Variants in ARHGEF10L observed in about 807,000 individuals in gnomAD.
ARHGEF10L encodes Rho guanine nucleotide exchange factor 10 like.
ARHGEF10L carries 69 observed loss-of-function variants against 141.2 expected under a neutral mutation model. The observed-to-expected ratio is 0.49, with a 90% confidence interval of 0.40 to 0.60. The LOEUF (loss-of-function observed/expected upper bound fraction) is 0.60, where lower values mean the gene tolerates loss of function less well. ARHGEF10L is among the 20% of genes least tolerant of loss of function. The probability of loss-of-function intolerance (pLI) is 0.00; values close to 1 mark genes in which losing one functional copy is unlikely to be tolerated. For missense variants in ARHGEF10L, 1,482 were observed against 1,734.3 expected, an observed-to-expected ratio of 0.85 and a Z score of 2.58; for synonymous variants, 711 against 718.5, an observed-to-expected ratio of 0.99 and a Z score of 0.17.
chr1:17,587,772 C>A, intron 3 of ARHGEF10L, 127 bp downstream of exon 3: 1 of 1,088,528 alleles, frequency 9.2e-7, no homozygotes, highest in Non-Finnish European at 1.3e-6. Flanking sequence ...AAGGGAAAAG[C>A]CAGTGGGAAG....
Position 17,670,039 on chromosome 1 carries a change from G to T in ARHGEF10L, c.3009+5444G>T, listed in dbSNP as rs560096237. 2.1e-4 allele frequency among the ~76,000 whole-genome samples: 32 copies of T among 152,384 alleles called. No homozygotes were observed. In the South Asian group the frequency reaches 6.2e-3, roughly 30 times the overall value. On this transcript the variant is annotated intron_variant, in intron 26 of 28. Coordinates refer to ENST00000361221, the MANE Select transcript of ARHGEF10L (RefSeq NM_018125.4). ...CGAGCTCGGCTATGCGGGTGAGTTG[G>T]TGTGTGACTATGAAGGAAGAGGGGA...
chr1:17,531,340 G>A, the ARHGEF10L span, among the ~76,000 whole-genome samples: 3,561 of 152,248 alleles, frequency 0.023, 70 homozygotes, highest in Non-Finnish European at 0.035. Context: ...CCACTAGGTG[G>A]GTCAACATGA....
At chr1:17,664,394 G>C in intron 25 of ARHGEF10L, 53 bp from the exon 26 acceptor site, 1 of 1,555,182 alleles carries the variant, frequency 6.4e-7, no homozygotes, top group Non-Finnish European at 8.7e-7. Context: ...GCGTTCCCAG[G>C]AGACCTGCTT....
the ARHGEF10L span, among the ~76,000 whole-genome samples, chr1:17,520,986 C>T: frequency 8.5e-5 from 13 of 152,312 alleles, no homozygotes; most frequent in South Asian, 4.1e-4. Flanking sequence ...AGGCTGTTTC[C>T]CCCTGCTTTT....
intron 25 of ARHGEF10L, among the ~76,000 whole-genome samples, chr1:17,659,791 A>G (rs2062497712): frequency 6.6e-6 from 1 of 152,256 alleles, no homozygotes; most frequent in African/African-American, 2.4e-5. Context: ...ATTCCTGGCC[A>G]TGCTTTGGCT....
intron 22 of ARHGEF10L, among the ~76,000 whole-genome samples, chr1:17,652,634 G>A (rs921808688): frequency 1.3e-5 from 2 of 152,080 alleles, no homozygotes; most frequent in African/African-American, 2.4e-5. Context: ...CTACGGTGTC[G>A]AAGGTTCTTC....
At position 17,697,285 on chromosome 1, in the gene ARHGEF10L, A is replaced by C; in HGVS notation, c.3745A>C (p.Asn1249His). The stretch of plus-strand genomic sequence containing the variant: ...CATCTCCGGCGGGCAGGGCTACCGC[A>C]ACTTTGGCAGCGCTCTGGGCAGCAG... ...AIISGGQGYR[N>H]FGSALGSSGR... The change falls in exon 29 of 29, where the codon AAC becomes CAC. Residue 1249 changes from asparagine to histidine, a missense_variant. By Grantham distance (68) the Asn-to-His change is moderately conservative. Coordinates refer to ENST00000361221, the MANE Select transcript of ARHGEF10L (RefSeq NM_018125.4). The surrounding 1 kb of genome is among the most constrained non-coding windows in gnomAD (Gnocchi z 4.8). 5 of 1,612,770 alleles carry C rather than the reference A, an allele frequency of 3.1e-6. No individual in the cohort carries two copies. Among genetic ancestry groups the C allele is most frequent in the Non-Finnish European group, 4.2e-6 (5 of 1,179,856 alleles).
At chr1:17,689,827 A>T in intron 27 of ARHGEF10L, 1 of 456,042 alleles carries the variant, frequency 2.2e-6, no homozygotes, top group Non-Finnish European at 4.4e-6. Flanking sequence ...GTCTGCGCAG[A>T]GGAGAGTGAG....
chr1:17,597,301 G>A (rs1384119837), intron 4 of ARHGEF10L, among the ~76,000 whole-genome samples: 2 of 152,114 alleles, frequency 1.3e-5, no homozygotes, highest in African/African-American at 4.8e-5. Flanking sequence ...TGACCCGGAG[G>A]CCCCTGAAGG....
chr1:17,645,047 G>A (rs2061517070), intron 21 of ARHGEF10L, among the ~76,000 whole-genome samples: 2 of 152,254 alleles, frequency 1.3e-5, no homozygotes, highest in Admixed American at 6.5e-5. Flanking sequence ...GAGGGTAGCG[G>A]GGGATCTGCA....
At chr1:17,535,925 CG>C (rs911392279), upstream of ARHGEF10L, among the ~76,000 whole-genome samples, 13 of 152,206 alleles carry the variant, frequency 8.5e-5, no homozygotes, top group South Asian at 2.1e-4. Context: ...ACTCACAGTC[CG>C]GGGGGGAGAC....
At chr1:17,601,590 C>T (rs2080684054) in intron 4 of ARHGEF10L, among the ~76,000 whole-genome samples, 1 of 152,170 alleles carries the variant, frequency 6.6e-6, no homozygotes, top group African/African-American at 2.4e-5. Flanking sequence ...GGGCTACAGG[C>T]ATGCACCACC....
At position 17,696,908 on chromosome 1, in the gene ARHGEF10L, C is replaced by T. The variant is rs35043492; in HGVS notation, c.3368C>T (p.Thr1123Ile). 5.8e-4 allele frequency: 930 copies of T among 1,607,204 alleles called. 8 individuals are homozygous for T. In the African/African-American group the frequency reaches 0.011, roughly 19 times the overall value. The change falls in exon 29 of 29, where the codon ACC becomes ATC. Residue 1123 changes from threonine to isoleucine, a missense_variant. Coordinates refer to ENST00000361221, the MANE Select transcript of ARHGEF10L (RefSeq NM_018125.4). ...CCTGTGGCCTTCCTGGCTGTGGCTA[C>T]CAGCATCCTGGCCCCTGACATCCTG... The part of the protein sequence containing the change: ...CGPVAFLAVA[T>I]SILAPDILRS...
intron 5 of ARHGEF10L, among the ~76,000 whole-genome samples, chr1:17,602,689 G>C (rs1227312650): frequency 1.3e-5 from 2 of 152,290 alleles, no homozygotes; most frequent in Middle Eastern, 3.4e-3. Context: ...TGTGGGGTGT[G>C]GGGGAGCGTT....
rs2060193138 is a variant in ARHGEF10L at position 17,623,047 on chromosome 1, A to G, written c.1072A>G (p.Lys358Glu). Residue 358 changes from lysine to glutamate, a missense_variant, in exon 12 of 29, where the codon AAG becomes GAG. Coordinates refer to ENST00000361221, the MANE Select transcript of ARHGEF10L (RefSeq NM_018125.4). The surrounding 1 kb of genome is among the most constrained non-coding windows in gnomAD (Gnocchi z 4.7). ...EMEPKALSAR[K>E]CQVVFFRVKE... ...GGAGCCCAAGGCGCTGAGCGCCCGC[A>G]AGTGCCAGGTGGTGTTCTTCCGCGT... 1 of 1,613,866 alleles carries G rather than the reference A, an allele frequency of 6.2e-7. No individual in the cohort carries two copies. Among genetic ancestry groups the G allele is most frequent in the African/African-American group, 1.3e-5 (1 of 74,916 alleles).
At chr1:17,662,562 C>T (rs1015587447) in intron 25 of ARHGEF10L, among the ~76,000 whole-genome samples, 2 of 152,050 alleles carry the variant, frequency 1.3e-5, no homozygotes, top group African/African-American at 2.4e-5. Context: ...TGCTTCTTTG[C>T]GGAGCTTGGA....
intron 27 of ARHGEF10L, chr1:17,689,735 T>C (rs1326178698): frequency 2.2e-6 from 1 of 454,360 alleles, no homozygotes; most frequent in East Asian, 7.0e-5. Context: ...TTTCCTCTGA[T>C]AGCTAAATTA....
chr1:17,622,892 G>C, intron 11 of ARHGEF10L, 104 bp from the exon 12 acceptor site: 2 of 1,254,362 alleles, frequency 1.6e-6, no homozygotes, highest in Non-Finnish European at 2.2e-6. Flanking sequence ...CCTCCCCTCC[G>C]TGCCACGGGA....
intron 23 of ARHGEF10L, among the ~76,000 whole-genome samples, chr1:17,655,554 G>T (rs1207657110): frequency 6.6e-6 from 1 of 152,164 alleles, no homozygotes; most frequent in Non-Finnish European, 1.5e-5. Flanking sequence ...TAAAACAATG[G>T]TCAACACAGA....
Sources: allele counts gnomAD v4.1 joint callset (sites outside exome capture counted in the v4.1 genomes callset), GRCh38; gene constraint gnomAD v4.1.1; non-coding constraint Gnocchi (gnomAD v3.1); transcripts MANE v1.5; gene names NCBI Gene and HGNC (gene_info 2026-07-23, HGNC 2026-07-21).